The following CSMD3 variants were observed in gnomAD, a reference collection of about 807,000 sequenced individuals.
CSMD3 encodes CUB and Sushi multiple domains 3, also known as CUB and sushi domain-containing protein 3.
A neutral mutation model predicts 435.2 loss-of-function variants in CSMD3; 177 were observed. That is an observed-to-expected ratio of 0.41 (90% CI 0.36 to 0.46). The LOEUF (loss-of-function observed/expected upper bound fraction) is 0.46, where lower values mean the gene tolerates loss of function less well. Ranked by LOEUF, CSMD3 falls within the 20% of genes least tolerant of loss-of-function variation. The pLI, the probability that CSMD3 is intolerant of heterozygous loss-of-function variation, is 0.34. For missense variants in CSMD3, 4,265 were observed against 4,504.6 expected, an observed-to-expected ratio of 0.95 and a Z score of 1.52; for synonymous variants, 1,656 against 1,520.5, an observed-to-expected ratio of 1.09 and a Z score of -2.07.
chr8:112,961,943 C>T lies in CSMD3; in HGVS notation c.1343-7182G>A, dbSNP rs138753945. Among the ~76,000 whole-genome samples, 1,007 of 151,962 alleles carry T rather than the reference C, an allele frequency of 6.6e-3. 12 individuals carry two copies. The highest frequency in any genetic ancestry group is 0.023 in the African/African-American group (965 of 41,500). On this transcript the variant is annotated intron_variant, in intron 7 of 70. Coordinates refer to ENST00000297405, the MANE Select transcript of CSMD3 (RefSeq NM_198123.2). ...GAAAAATGTGGGATTTTTATATTCT[C>T]TTTAGGGATTCTTATAATTGGCATA...
At chr8:112,386,329 T>G (rs1318059012) in intron 36 of CSMD3, among the ~76,000 whole-genome samples, 1 of 152,156 alleles carries the variant, frequency 6.6e-6, no homozygotes, top group Non-Finnish European at 1.5e-5. Flanking sequence ...AATTTGCCAC[T>G]GGGATTCGAG....
chr8:112,750,261 T>A (rs1464057765), intron 13 of CSMD3, among the ~76,000 whole-genome samples: 1 of 151,706 alleles, frequency 6.6e-6, no homozygotes, highest in Non-Finnish European at 1.5e-5. Flanking sequence ...ACATAATTTT[T>A]AAAATTATAT....
chr8:112,532,546 G>A (rs1825641875), intron 27 of CSMD3, among the ~76,000 whole-genome samples: 1 of 152,062 alleles, frequency 6.6e-6, no homozygotes, highest in Non-Finnish European at 1.5e-5. Flanking sequence ...GAGTGTCATG[G>A]AATATTCAAA....
chr8:112,610,933 C>T (rs1342981936), intron 22 of CSMD3, among the ~76,000 whole-genome samples: 1 of 152,108 alleles, frequency 6.6e-6, no homozygotes, highest in East Asian at 1.9e-4. Flanking sequence ...TCTGTATCTT[C>T]GAGTTGCATT....
rs117086600 is a variant in CSMD3, at chr8:113,222,674, G to T, written c.515-48758C>A. Among the ~76,000 whole-genome samples the T allele has an allele frequency of 3.3e-5, 5 of 150,944 alleles. No individual in the cohort carries two copies. In the East Asian group the frequency reaches 7.8e-4, roughly 24 times the overall value. ...ATCACTAAATGTACTCTGTATATTTGCACTTTCAAATTAAGGTTGCTTTCA... is the reference window on the plus strand; with the variant it reads ...ATCACTAAATGTACTCTGTATATTTTCACTTTCAAATTAAGGTTGCTTTCA... On this transcript the variant is annotated intron_variant, in intron 3 of 70. Coordinates refer to ENST00000297405, the MANE Select transcript of CSMD3 (RefSeq NM_198123.2).
intron 11 of CSMD3, among the ~76,000 whole-genome samples, chr8:112,854,274 G>A (rs1349512578): frequency 6.6e-6 from 1 of 152,136 alleles, no homozygotes; most frequent in African/African-American, 2.4e-5. Flanking sequence ...GGGTTTTGTG[G>A]GAGTGGTTTG....
intron 5 of CSMD3, among the ~76,000 whole-genome samples, chr8:113,035,581 A>G (rs534730368): frequency 7.9e-5 from 12 of 152,028 alleles, no homozygotes; most frequent in Non-Finnish European, 1.5e-4. Flanking sequence ...ATATGATTGT[A>G]TATGTTTGTC....
chr8:113,396,496 T>C (rs1212695576), intron 1 of CSMD3, among the ~76,000 whole-genome samples: 2 of 152,202 alleles, frequency 1.3e-5, no homozygotes, highest in African/African-American at 2.4e-5. Flanking sequence ...ATAGAGGATG[T>C]TAACTTACAT....
At chr8:112,992,460 C>A (rs778061913) in intron 6 of CSMD3, among the ~76,000 whole-genome samples, 25 of 151,690 alleles carry the variant, frequency 1.6e-4, no homozygotes, top group South Asian at 4.1e-4. Flanking sequence ...TAGCCTAGTT[C>A]GCCTTGGTCT....
intron 1 of CSMD3, among the ~76,000 whole-genome samples, chr8:113,433,265 C>T (rs1586196024): frequency 6.6e-6 from 1 of 152,126 alleles, no homozygotes; most frequent in East Asian, 1.9e-4. Flanking sequence ...AAAGCTCTCT[C>T]AAGCTGAGAC....
chr8:112,291,625 A>T lies in CSMD3; in HGVS notation c.8859T>A (p.Phe2953Leu), dbSNP rs202112356. The change falls in exon 56 of 71, where the codon TTT (phenylalanine) becomes TTA (leucine). Residue 2953 changes from phenylalanine to leucine, a missense_variant. Phe to Leu is a conservative substitution (Grantham distance 22). Transcript: ENST00000297405. ...KRESKIEHGN[F>L]TYGTVVFYDC... ...CATAGAATACCACAGTGCCGTAAGT[A>T]AAATTTCCATGTTCTATTTTACTTT... 1.2e-6 allele frequency: 2 copies of T among 1,611,838 alleles called. No homozygotes were observed. Among genetic ancestry groups the T allele is most frequent in the Non-Finnish European group, 1.7e-6 (2 of 1,178,258 alleles).
At chr8:113,164,670 A>G (rs968906763) in intron 4 of CSMD3, among the ~76,000 whole-genome samples, 1 of 152,036 alleles carries the variant, frequency 6.6e-6, no homozygotes, top group Admixed American at 6.6e-5. Context: ...TCTGTTCTCT[A>G]TTATTAATGA....
chr8:113,124,181 T>C (rs2091061128), intron 4 of CSMD3, among the ~76,000 whole-genome samples: 1 of 151,948 alleles, frequency 6.6e-6, no homozygotes, highest in South Asian at 2.1e-4. Context: ...GCAAAAAGAA[T>C]AATAGAAACA....
At chr8:112,510,102 G>C (rs1447592530) in intron 28 of CSMD3, among the ~76,000 whole-genome samples, 2 of 152,060 alleles carry the variant, frequency 1.3e-5, no homozygotes, top group Non-Finnish European at 2.9e-5. Context: ...GCCCTGCCAG[G>C]ACTCCACCCT....
At chr8:113,115,031 A>G (rs2131612122) in intron 4 of CSMD3, among the ~76,000 whole-genome samples, 1 of 152,288 alleles carries the variant, frequency 6.6e-6, no homozygotes, top group African/African-American at 2.4e-5. Flanking sequence ...CCCTGTACCT[A>G]CAGAATCAGA....
Position 112,889,948 on chromosome 8 carries a change from C to T in CSMD3, c.1634-30682G>A, listed in dbSNP as rs1220930062. Among the ~76,000 whole-genome samples, 7 of 151,594 alleles carry T rather than the reference C, an allele frequency of 4.6e-5. 1 individual carries two copies. Among genetic ancestry groups the T allele is most frequent in the Admixed American group, 4.6e-4 (7 of 15,188 alleles). ...TCTTCTGACATGCCCTGACAAACAG[C>T]CAGATCATCACTGCTGAGGAAACAG... On this transcript the variant is annotated intron_variant, in intron 10 of 70. Coordinates refer to ENST00000297405, the MANE Select transcript of CSMD3 (RefSeq NM_198123.2).
In CSMD3 at chr8:112,299,632, G is replaced by A. The variant is rs942703305; in HGVS notation, c.8440+2161C>T. ...TCATAATAAAATACTAGGAAGGCAG[G>A]AATAAATGCACCATACTTAGAGAAA... On this transcript the variant is annotated intron_variant, in intron 53 of 70. Coordinates refer to ENST00000297405, the MANE Select transcript of CSMD3 (RefSeq NM_198123.2). Among the ~76,000 whole-genome samples the A allele has an allele frequency of 1.5e-4, 23 of 152,072 alleles. 1 individual carries two copies. Among genetic ancestry groups the A allele is most frequent in the African/African-American group, 5.3e-4 (22 of 41,514 alleles).
intron 4 of CSMD3, among the ~76,000 whole-genome samples, chr8:113,156,805 C>T (rs555268612): frequency 3.3e-5 from 5 of 151,332 alleles, no homozygotes; most frequent in South Asian, 4.2e-4. Flanking sequence ...GTGGCACATG[C>T]CCATAGTCCT....
chr8:112,690,169 A>C, intron 13 of CSMD3, 119 bp from the exon 14 acceptor site: 1 of 752,500 alleles, frequency 1.3e-6, no homozygotes, highest in Non-Finnish European at 2.3e-6. Context: ...AAAAATAAAT[A>C]TATTCTCCAA....
Sources: gnomAD v4.1 joint callset for allele counts (sites outside exome capture counted in the v4.1 genomes callset) on GRCh38, gnomAD v4.1.1 for gene constraint, MANE v1.5 for transcripts, NCBI Gene and HGNC (gene_info 2026-07-23, HGNC 2026-07-21) for gene names.